Variants in FOXJ3 observed in about 807,000 individuals in gnomAD.
FOXJ3 encodes the protein forkhead box protein J3.
A neutral mutation model predicts 76.1 loss-of-function variants in FOXJ3; 22 were observed. The ratio of observed to expected loss-of-function variants is 0.29; its 90% CI spans 0.21 to 0.41. The LOEUF (loss-of-function observed/expected upper bound fraction) is 0.41. Among genes scored for constraint, FOXJ3 ranks in the 10% least tolerant of loss-of-function variants. The pLI, the probability that FOXJ3 is intolerant of heterozygous loss-of-function variation, is 1.00. For missense variants in FOXJ3, 613 were observed against 762.1 expected (o/e 0.80, Z 2.30); for synonymous variants, 269 against 261.2 (o/e 1.03, Z -0.29).
At chr1:42,189,036 C>T in intron 10 of FOXJ3, 108 bp from the exon 11 acceptor site, 1 of 685,800 alleles carries the variant, frequency 1.5e-6, no homozygotes, top group Non-Finnish European at 2.4e-6. Flanking sequence ...ACTCACTCCA[C>T]TTTATGGTAG....
intron 5 of FOXJ3, among the ~76,000 whole-genome samples, chr1:42,221,620 A>AT (rs746463206): frequency 2.3e-4 from 33 of 146,120 alleles, no homozygotes; most frequent in Middle Eastern, 3.5e-3. Flanking sequence ...CACACCCACT[A>AT]TTTTTTTTTT....
At chr1:42,308,354 A>G (rs1654592815) in intron 2 of FOXJ3, among the ~76,000 whole-genome samples, 1 of 152,226 alleles carries the variant, frequency 6.6e-6, no homozygotes. Context: ...GGTTTGGGGA[A>G]GACTCTATGG....
chr1:42,178,197 A>C lies in FOXJ3; in HGVS notation c.*1513T>G, dbSNP rs1037830194. On this transcript the variant is annotated 3_prime_UTR_variant, in exon 13 of 13. Coordinates refer to ENST00000361346, the MANE Select transcript of FOXJ3 (RefSeq NM_014947.5). ...ATACACAGACATACAAGACAACAGA[A>C]ACAGCAGGCCACATAATATCTACAT... The C allele has an allele frequency of 1.3e-5, 2 of 152,308 alleles. No homozygotes were observed. The highest frequency in any genetic ancestry group is 2.9e-5 in the Non-Finnish European group (2 of 68,048). The allele number at this position is 152,308 out of a possible 1,614,324, so 9.4% of individuals were successfully genotyped here.
intron 1 of FOXJ3, among the ~76,000 whole-genome samples, chr1:42,325,272 G>A (rs1263476585): frequency 6.6e-6 from 1 of 152,134 alleles, no homozygotes; most frequent in East Asian, 1.9e-4. Flanking sequence ...TCAGTATTTT[G>A]CAATCAGAGA....
chr1:42,291,602 A>G (rs1172598484), intron 2 of FOXJ3, among the ~76,000 whole-genome samples: 1 of 152,154 alleles, frequency 6.6e-6, no homozygotes, highest in Non-Finnish European at 1.5e-5. Flanking sequence ...GGAGTTTAAG[A>G]CCAGCCTGGG....
At chr1:42,281,310 T>C (rs1405442517) in intron 2 of FOXJ3, among the ~76,000 whole-genome samples, 1 of 152,176 alleles carries the variant, frequency 6.6e-6, no homozygotes, top group East Asian at 1.9e-4. Flanking sequence ...ACAGCTGAGC[T>C]GTGGGTGCTA....
rs1387194105 is a variant in FOXJ3, at chr1:42,177,994, A to G, written c.*1716T>C. The stretch of plus-strand genomic sequence containing the variant: ...AGAACTGACACTTTTTGGGGGGTCT[A>G]AAGAATCAATTCAAAATCTATTCAT... On this transcript the variant is annotated 3_prime_UTR_variant, in exon 13 of 13. Coordinates refer to ENST00000361346, the MANE Select transcript of FOXJ3 (RefSeq NM_014947.5). 6.6e-6 allele frequency: 1 copy of G among 152,578 alleles called. No homozygotes were observed. The highest frequency in any genetic ancestry group is 6.5e-5 in the Admixed American group (1 of 15,272). 9.5% of individuals were successfully genotyped at this position (152,578 alleles called of 1,614,324 possible).
intron 6 of FOXJ3, among the ~76,000 whole-genome samples, chr1:42,199,944 T>C (rs2124274486): frequency 6.8e-6 from 1 of 146,918 alleles, no homozygotes; most frequent in Non-Finnish European, 1.5e-5. Flanking sequence ...ACTAGCCTAT[T>C]TGCAGTGAGC....
At chr1:42,327,987 G>C (rs974134167) in intron 1 of FOXJ3, among the ~76,000 whole-genome samples, 2 of 152,126 alleles carry the variant, frequency 1.3e-5, no homozygotes, top group African/African-American at 4.8e-5. Context: ...TGCAGTTTCT[G>C]GAGAGACTCT....
At chr1:42,231,947 C>T (rs146380897) in intron 4 of FOXJ3, among the ~76,000 whole-genome samples, 56 of 152,326 alleles carry the variant, frequency 3.7e-4, no homozygotes, top group African/African-American at 1.2e-3. Context: ...ATCCTTCCCC[C>T]CTACCCCCAC....
rs368468296 is a variant in FOXJ3, at chr1:42,205,808, G to A, written c.584C>T (p.Ser195Leu). Reference sequence around the variant, plus strand: ...TGCCAGAGTTGGAGAGGCACTTCCCGAAATAATACACTCCATTCCCAAAGA... The same window carrying A: ...TGCCAGAGTTGGAGAGGCACTTCCCAAAATAATACACTCCATTCCCAAAGA... ...SDSLGMECII[S>L]GSASPTLAIN... is the part of the protein sequence containing the mutation. The change falls in exon 6 of 13, where the codon TCG (serine) becomes TTG (leucine). Residue 195 changes from serine (S) to leucine (L), a missense_variant. Around this residue, in one of 3 missense-constraint regions of FOXJ3, gnomAD observed 526 missense variants for 601.4 expected, o/e 0.87. Transcript: ENST00000361346. 2.0e-5 allele frequency: 32 copies of A among 1,612,044 alleles called. No individual in the cohort carries two copies. Among genetic ancestry groups the A allele is most frequent in the South Asian group, 4.4e-5 (4 of 91,012 alleles).
chr1:42,247,101 G>A (rs574907485), intron 4 of FOXJ3, among the ~76,000 whole-genome samples: 1 of 152,050 alleles, frequency 6.6e-6, no homozygotes, highest in African/African-American at 2.4e-5. Context: ...TTCCAAAGCA[G>A]GGTAGACTGG....
chr1:42,304,865 A>G (rs929878655), intron 2 of FOXJ3, among the ~76,000 whole-genome samples: 1 of 152,214 alleles, frequency 6.6e-6, no homozygotes, highest in African/African-American at 2.4e-5. Flanking sequence ...CCACAAGCAC[A>G]GGCAACCAAA....
chr1:42,308,606 A>G (rs564553655), intron 2 of FOXJ3, among the ~76,000 whole-genome samples: 1 of 152,344 alleles, frequency 6.6e-6, no homozygotes, highest in East Asian at 1.9e-4. Context: ...TTCTCGGTTT[A>G]TAAATTAAAT....
intron 7 of FOXJ3, among the ~76,000 whole-genome samples, chr1:42,198,260 C>T (rs900305025): frequency 2.6e-5 from 4 of 151,740 alleles, no homozygotes; most frequent in African/African-American, 7.3e-5. Context: ...TTTTTTTTTA[C>T]AGAGCAATAA....
intron 4 of FOXJ3, among the ~76,000 whole-genome samples, chr1:42,255,344 C>G (rs1292223535): frequency 1.3e-5 from 2 of 152,164 alleles, no homozygotes; most frequent in African/African-American, 2.4e-5. Context: ...TTGTTAAGCT[C>G]TAGAATGACT....
rs771361040 is a variant in FOXJ3 at position 42,191,312 on chromosome 1, A to G, written c.1342T>C (p.Cys448Arg). The change falls in exon 9 of 13, where the codon TGT (cysteine) becomes CGT (arginine). Residue 448 changes from cysteine (C) to arginine (R), a missense_variant. By Grantham distance (180) the Cys-to-Arg change is radical. Transcript: ENST00000361346. The stretch of plus-strand genomic sequence containing the variant: ...GGAGACAAAAACTTACCAGAATTAC[A>G]GGATACCTGTTGTGGGGGTGGGGGT... ...QAPPPPQQVS[C>R]NSGVSNDWYA... 3 of 1,538,414 alleles carry G rather than the reference A, an allele frequency of 2.0e-6. No individual in the cohort carries two copies. Among genetic ancestry groups the G allele is most frequent in the Non-Finnish European group, 2.6e-6 (3 of 1,138,828 alleles).
chr1:42,284,647 C>A (rs1453916263), intron 2 of FOXJ3, among the ~76,000 whole-genome samples: 1 of 152,190 alleles, frequency 6.6e-6, no homozygotes, highest in Non-Finnish European at 1.5e-5. Context: ...AAGACTGATA[C>A]CTTACCACAC....
chr1:42,299,092 G>A (rs183647074), intron 2 of FOXJ3, among the ~76,000 whole-genome samples: 8 of 152,250 alleles, frequency 5.3e-5, no homozygotes, highest in East Asian at 1.9e-4. Flanking sequence ...AATGTTCCAC[G>A]TGCAGATGAG....
Sources: gnomAD v4.1 joint callset for allele counts (sites outside exome capture counted in the v4.1 genomes callset) on GRCh38, gnomAD v4.1.1 for gene constraint, gnomAD v4.1.1 regional missense constraint, MANE v1.5 for transcripts, NCBI Gene and HGNC (gene_info 2026-07-23, HGNC 2026-07-21) for gene names.